Variants in CALCRL observed in about 807,000 individuals in gnomAD.
The protein encoded by CALCRL is calcitonin receptor like receptor, also known as calcitonin gene-related peptide type 1 receptor.
Under a neutral mutation model 60.4 loss-of-function variants are expected in CALCRL, and 27 were observed. That is an observed-to-expected ratio of 0.45 (90% CI 0.33 to 0.62). The LOEUF (loss-of-function observed/expected upper bound fraction) is 0.62, where lower values mean the gene tolerates loss of function less well. CALCRL is among the 20% of genes least tolerant of loss of function. The pLI is 0.03. For missense variants in CALCRL, 424 were observed against 540.7 expected (o/e 0.78, Z 2.14); for synonymous variants, 190 against 182.6 (o/e 1.04, Z -0.33).
chr2:187,397,066 C>T (rs1371116013), intron 1 of CALCRL, among the ~76,000 whole-genome samples: 2 of 151,604 alleles, frequency 1.3e-5, no homozygotes, highest in East Asian at 3.9e-4. Flanking sequence ...ACTCCTACAC[C>T]AGAAAGCTAT....
chr2:187,410,513 T>G (rs1009837634), intron 1 of CALCRL, among the ~76,000 whole-genome samples: 6 of 152,176 alleles, frequency 3.9e-5, no homozygotes, highest in Admixed American at 3.3e-4. Flanking sequence ...TTTGAAGCAC[T>G]GGCTGTTGAG....
intron 12 of CALCRL, among the ~76,000 whole-genome samples, chr2:187,356,968 A>C (rs1439825122): frequency 6.6e-6 from 1 of 152,204 alleles, no homozygotes; most frequent in Non-Finnish European, 1.5e-5. Context: ...ATCTCACACC[A>C]GTTAGAATGG....
At chr2:187,351,849 A>G in intron 14 of CALCRL, 71 bp downstream of exon 14, 1 of 948,480 alleles carries the variant, frequency 1.1e-6, no homozygotes, top group Non-Finnish European at 1.6e-6. Context: ...ATTTTATCTC[A>G]TTTAAATACA....
intron 1 of CALCRL, among the ~76,000 whole-genome samples, chr2:187,396,734 G>A (rs1688670683): frequency 6.6e-6 from 1 of 151,698 alleles, no homozygotes; most frequent in Admixed American, 6.6e-5. Context: ...TATTTTTGAA[G>A]AGATGCCTAA....
At chr2:187,403,952 G>C (rs999028229) in intron 1 of CALCRL, among the ~76,000 whole-genome samples, 1 of 151,886 alleles carries the variant, frequency 6.6e-6, no homozygotes, top group African/African-American at 2.4e-5. Context: ...TGCCGCTTAA[G>C]AACAACACGT....
chr2:187,349,594 G>A (rs146220060), intron 14 of CALCRL, among the ~76,000 whole-genome samples: 1 of 151,814 alleles, frequency 6.6e-6, no homozygotes, highest in East Asian at 1.9e-4. Flanking sequence ...TATCTCCAGA[G>A]ATGAAGAAAA....
intron 1 of CALCRL, among the ~76,000 whole-genome samples, chr2:187,416,407 TTATCCTAG>T (rs1412834653): frequency 6.6e-6 from 1 of 152,186 alleles, no homozygotes; most frequent in Non-Finnish European, 1.5e-5. Context: ...AATTTCCCTG[TTATCCTAG>T]TAATAGATCC....
intron 1 of CALCRL, among the ~76,000 whole-genome samples, chr2:187,400,138 A>G (rs1329299477): frequency 6.6e-6 from 1 of 151,470 alleles, no homozygotes; most frequent in Non-Finnish European, 1.5e-5. Flanking sequence ...GAGGTGATTG[A>G]TATGCTAGTT....
intron 8 of CALCRL, among the ~76,000 whole-genome samples, chr2:187,364,108 G>T (rs1445539613): frequency 6.6e-6 from 1 of 152,086 alleles, no homozygotes; most frequent in Non-Finnish European, 1.5e-5. Context: ...CATATATAAG[G>T]TAAAAATAGT....
intron 1 of CALCRL, among the ~76,000 whole-genome samples, chr2:187,442,324 A>C (rs1039083148): frequency 3.3e-5 from 5 of 151,170 alleles, no homozygotes; most frequent in Non-Finnish European, 7.4e-5. Context: ...AGATCCTATG[A>C]AACTCATGCA....
intron 1 of CALCRL, among the ~76,000 whole-genome samples, chr2:187,424,424 C>G (rs1283732066): frequency 6.9e-6 from 1 of 144,578 alleles, no homozygotes; most frequent in Non-Finnish European, 1.5e-5. Flanking sequence ...CACACCCTTC[C>G]TAGGCATTTC....
chr2:187,435,375 C>T (rs1334257435), intron 1 of CALCRL, among the ~76,000 whole-genome samples: 1 of 152,182 alleles, frequency 6.6e-6, no homozygotes, highest in Non-Finnish European at 1.5e-5. Context: ...CGAGAACTCA[C>T]TTATCACCAA....
At chr2:187,351,763 A>C (rs1686542720) in intron 14 of CALCRL, among the ~76,000 whole-genome samples, 157 bp downstream of exon 14, 1 of 151,826 alleles carries the variant, frequency 6.6e-6, no homozygotes, top group Admixed American at 6.6e-5. Flanking sequence ...GGAGAGTTAA[A>C]CCTATGGTAA....
rs763201348 is a variant in CALCRL at position 187,379,050 on chromosome 2, A to G, written c.409-19T>C. 2.0e-6 allele frequency: 3 copies of G among 1,488,940 alleles called. No individual in the cohort carries two copies. The highest frequency in any genetic ancestry group is 2.8e-6 in the Non-Finnish European group (3 of 1,071,526). The allele number at this position is 1,488,940 out of a possible 1,614,324, so 92.2% of individuals were successfully genotyped here. On this transcript the variant is annotated intron_variant, in intron 7 of 14. Coordinates refer to ENST00000392370, the MANE Select transcript of CALCRL (RefSeq NM_005795.6). Reference sequence around the variant, plus strand: ...GTGCAGTCTGTAATTTGTATAAACAAAAAAATTTGGTTCATATCAATACTA... The same window carrying G: ...GTGCAGTCTGTAATTTGTATAAACAGAAAAATTTGGTTCATATCAATACTA...
At chr2:187,391,899 C>G (rs1688461542) in intron 1 of CALCRL, among the ~76,000 whole-genome samples, 1 of 151,988 alleles carries the variant, frequency 6.6e-6, no homozygotes, top group South Asian at 2.1e-4. Context: ...GGTTTAATTT[C>G]TTAATATATT....
In CALCRL at chr2:187,349,648, A is replaced by C. The variant is rs190239809; in HGVS notation, c.1170+2272T>G. Among the ~76,000 whole-genome samples the C allele has an allele frequency of 4.6e-5, 7 of 151,818 alleles. No individual in the cohort carries two copies. The East Asian group carries it at 1.4e-3, about 29-fold the overall frequency. ...GTTGTGAGGAACTGAAAGATTTGGGAACAACCTAGCTCAAACATTGTGTAT... is the reference window on the plus strand; with the variant it reads ...GTTGTGAGGAACTGAAAGATTTGGGCACAACCTAGCTCAAACATTGTGTAT... On this transcript the variant is annotated intron_variant, in intron 14 of 14. Transcript: ENST00000392370.
intron 3 of CALCRL, among the ~76,000 whole-genome samples, chr2:187,386,391 C>A (rs189641726): frequency 1.1e-3 from 172 of 152,126 alleles, no homozygotes; most frequent in African/African-American, 4.0e-3. Context: ...ATTAAAATGT[C>A]TTTATAATTT....
intron 9 of CALCRL, 74 bp downstream of exon 9, chr2:187,363,302 T>A: frequency 1.4e-6 from 2 of 1,406,752 alleles, no homozygotes. Context: ...ATTATACACA[T>A]TATGCATATA....
chr2:187,401,851 T>G lies in CALCRL; in HGVS notation c.-292-14095A>C, dbSNP rs530950935. ...TTTGGTTTATTCTTGGAACTTGACC[T>G]AGGTTAGAAATTTTACATCCTAACT... On this transcript the variant is annotated intron_variant, in intron 1 of 14. Transcript: ENST00000392370. Among the ~76,000 whole-genome samples, 299 of 151,672 alleles carry G rather than the reference T, an allele frequency of 2.0e-3. 1 individual carries two copies. Among genetic ancestry groups the G allele is most frequent in the Admixed American group, 2.8e-3 (42 of 15,140 alleles).
Sources: allele counts gnomAD v4.1 joint callset (sites outside exome capture counted in the v4.1 genomes callset), GRCh38; gene constraint gnomAD v4.1.1; transcripts MANE v1.5; gene names NCBI Gene and HGNC (gene_info 2026-07-23, HGNC 2026-07-21).